DZIP1: variants seen among roughly 807,000 people sequenced by gnomAD.
The protein encoded by DZIP1 is cilium assembly protein DZIP1.
A neutral mutation model predicts 107.6 loss-of-function variants in DZIP1; 97 were observed. That is an observed-to-expected ratio of 0.90 (90% CI 0.77 to 1.07). DZIP1 has a LOEUF of 1.07. Among genes scored for constraint, DZIP1 ranks in the 50% least tolerant of loss-of-function variants. DZIP1 has a pLI of 0.00. For missense variants in DZIP1, 1,035 were observed against 1,063.6 expected (o/e 0.97, Z 0.37); for synonymous variants, 390 against 386.4 (o/e 1.01, Z -0.11).
chr13:95,587,759 C>T lies in DZIP1; in HGVS notation c.2028-30G>A, dbSNP rs368463836. 3.1e-6 allele frequency: 5 copies of T among 1,600,858 alleles called. No individual in the cohort carries two copies. The African/African-American group carries it at 6.7e-5, about 22-fold the overall frequency. On this transcript the variant is annotated intron_variant, in intron 19 of 22. Transcript: ENST00000376829. ...ACAAATCAACACCGAGATAGGGGCGCTGTTTTCGTAACGCTTTAGGATTTA... is the reference window on the plus strand; with the variant it reads ...ACAAATCAACACCGAGATAGGGGCGTTGTTTTCGTAACGCTTTAGGATTTA...
At chr13:95,613,731 A>G (rs1288369817) in intron 10 of DZIP1, among the ~76,000 whole-genome samples, 2 of 152,230 alleles carry the variant, frequency 1.3e-5, no homozygotes, top group Non-Finnish European at 2.9e-5. Flanking sequence ...TCCACACCAC[A>G]ATGTTATGGA....
At chr13:95,609,022 G>T (rs1013716657) in intron 13 of DZIP1, among the ~76,000 whole-genome samples, 1 of 152,218 alleles carries the variant, frequency 6.6e-6, no homozygotes, top group Non-Finnish European at 1.5e-5. Context: ...TGACAGCTCC[G>T]GGAGATAGAG....
In DZIP1 at chr13:95,641,391, C is replaced by T; in HGVS notation, c.501G>A (p.Ala167=). The T allele has an allele frequency of 1.9e-6, 3 of 1,614,100 alleles. 1 individual carries two copies. Among genetic ancestry groups the T allele is most frequent in the South Asian group, 2.2e-5 (2 of 91,078 alleles). The change falls in exon 5 of 23, where the codon GCG becomes GCA. Residue 167 remains alanine (A), a synonymous_variant. Transcript: ENST00000376829. This position sits in a 1 kb window ranked among gnomAD's most constrained non-coding sequence, Gnocchi z 4.3. ...CTTCCTTGAGCGTCTTGATCTCCCCCGCCTGCTTGGTGAGCAGCTTCTTGC... is the reference window on the plus strand; with the variant it reads ...CTTCCTTGAGCGTCTTGATCTCCCCTGCCTGCTTGGTGAGCAGCTTCTTGC... ...EQSKKLLTKQ[A]GEIKTLKEEC...
At chr13:95,630,227 C>T (rs540210184) in intron 6 of DZIP1, 114 bp from the exon 7 acceptor site, 192 of 1,328,342 alleles carry the variant, frequency 1.4e-4, no homozygotes, top group Non-Finnish European at 1.8e-4. Flanking sequence ...ACTTGGGATA[C>T]GATTACTTGT....
rs771903848 is a variant in DZIP1, at chr13:95,624,784, T to C, written c.956A>G (p.Asn319Ser). 6.2e-7 allele frequency: 1 copy of C among 1,600,808 alleles called. No homozygotes were observed. ...MKEFKELTSK[N>S]SALEYQLSEI... is the part of the protein sequence containing the mutation. The stretch of plus-strand genomic sequence containing the variant: ...AATACTTACATATTCTAATGCTGAA[T>C]TCTTCGAAGTTAATTCTTTAAATTC... Residue 319 changes from asparagine (N) to serine (S), a missense_variant, in exon 8 of 23, where the codon AAT becomes AGT. Transcript: ENST00000376829.
At chr13:95,629,202 A>T (rs760270653) in intron 7 of DZIP1, among the ~76,000 whole-genome samples, 2 of 152,224 alleles carry the variant, frequency 1.3e-5, no homozygotes, top group Non-Finnish European at 2.9e-5. Context: ...ATGCTCTTTG[A>T]TGGCCTTACT....
At chr13:95,598,230 T>C (rs1357273399) in intron 15 of DZIP1, among the ~76,000 whole-genome samples, 1 of 152,124 alleles carries the variant, frequency 6.6e-6, no homozygotes, top group Non-Finnish European at 1.5e-5. Context: ...AACCAAACTC[T>C]TCAAAATCAG....
intron 6 of DZIP1, chr13:95,630,901 A>C (rs564115061): frequency 2.4e-6 from 1 of 408,560 alleles, no homozygotes; most frequent in Admixed American, 3.8e-5. Context: ...AAGAGAAAGA[A>C]GGTCAGTTTC....
intron 15 of DZIP1, among the ~76,000 whole-genome samples, chr13:95,598,757 C>A (rs769617545): frequency 3.9e-5 from 6 of 152,044 alleles, no homozygotes; most frequent in African/African-American, 9.7e-5. Flanking sequence ...CATAATTAAA[C>A]CTTTCTTCAT....
chr13:95,608,638 C>T (rs552083097), intron 13 of DZIP1, among the ~76,000 whole-genome samples: 1 of 152,126 alleles, frequency 6.6e-6, no homozygotes, highest in Non-Finnish European at 1.5e-5. Context: ...GGCACTTAAA[C>T]TCCTCTCCTC....
At chr13:95,614,599 G>A (rs1874808996) in intron 10 of DZIP1, among the ~76,000 whole-genome samples, 1 of 152,128 alleles carries the variant, frequency 6.6e-6, no homozygotes, top group African/African-American at 2.4e-5. Context: ...AATGGAGAGG[G>A]TCTAGGCAAA....
intron 11 of DZIP1, 146 bp from the exon 12 acceptor site, chr13:95,611,639 G>A (rs948924060): frequency 1.5e-6 from 1 of 682,030 alleles, no homozygotes; most frequent in South Asian, 2.1e-5. Context: ...TAAAAGCATA[G>A]AGGCAGAAGT....
intron 21 of DZIP1, 113 bp from the exon 22 acceptor site, chr13:95,585,023 G>C (rs893658019): frequency 3.9e-6 from 3 of 772,460 alleles, no homozygotes; most frequent in Non-Finnish European, 5.9e-6. Context: ...AAAGAAGTGG[G>C]GAACTATTAA....
chr13:95,596,675 T>C (rs973765798), intron 15 of DZIP1, among the ~76,000 whole-genome samples: 2 of 152,150 alleles, frequency 1.3e-5, no homozygotes, highest in South Asian at 4.1e-4. Context: ...TTCTGGAAAA[T>C]AAAATGCCCT....
Position 95,586,039 on chromosome 13 carries a change from C to T in DZIP1, c.2316G>A (p.Met772Ile), listed in dbSNP as rs751942259. The stretch of plus-strand genomic sequence containing the variant: ...CTTGTAATTCTTCTTTTTTGATAAA[C>T]ATCTCAGGGACATTAGTTCCACCGA... ...KPVGGTNVPE[M>I]FIKKEELQEL... is the part of the protein sequence containing the mutation. Residue 772 changes from methionine (M) to isoleucine (I), a missense_variant, in exon 21 of 23, where the codon ATG becomes ATA. Met to Ile is a conservative substitution (Grantham distance 10). Coordinates refer to ENST00000376829, the MANE Select transcript of DZIP1 (RefSeq NM_198968.4). The T allele has an allele frequency of 5.6e-6, 9 of 1,603,036 alleles. No individual in the cohort carries two copies. The highest frequency in any genetic ancestry group is 7.6e-6 in the Non-Finnish European group (9 of 1,176,806).
At chr13:95,583,192 T>A (rs1441141848) in intron 22 of DZIP1, among the ~76,000 whole-genome samples, 1 of 150,896 alleles carries the variant, frequency 6.6e-6, no homozygotes, top group Admixed American at 6.6e-5. Context: ...TTTGGGAGGC[T>A]GGGGTGGGAG....
At chr13:95,586,760 A>G (rs1312232696) in intron 20 of DZIP1, among the ~76,000 whole-genome samples, 2 of 151,930 alleles carry the variant, frequency 1.3e-5, no homozygotes, top group Non-Finnish European at 2.9e-5. Context: ...ATTACACCTG[A>G]TATGTTTAAA....
intron 14 of DZIP1, among the ~76,000 whole-genome samples, chr13:95,605,784 T>C (rs1442869402): frequency 1.3e-5 from 2 of 152,250 alleles, no homozygotes; most frequent in East Asian, 3.8e-4. Flanking sequence ...CAACCTTTTA[T>C]ACCTATATAC....
intron 15 of DZIP1, among the ~76,000 whole-genome samples, chr13:95,596,112 GC>G (rs1371756740): frequency 1.3e-5 from 2 of 152,060 alleles, no homozygotes; most frequent in African/African-American, 4.8e-5. Context: ...GGTGGGGCTG[GC>G]CAATGGAAGC....
Sources: allele counts gnomAD v4.1 joint callset (sites outside exome capture counted in the v4.1 genomes callset), GRCh38; gene constraint gnomAD v4.1.1; non-coding constraint Gnocchi (gnomAD v3.1); transcripts MANE v1.5; gene names NCBI Gene and HGNC (gene_info 2026-07-23, HGNC 2026-07-21).